Variants in MTHFD1L observed in about 807,000 individuals in gnomAD.
MTHFD1L encodes monofunctional C1-tetrahydrofolate synthase, mitochondrial.
A neutral mutation model predicts 119.5 loss-of-function variants in MTHFD1L; 81 were observed. The ratio of observed to expected loss-of-function variants is 0.68; its 90% CI spans 0.57 to 0.82. The LOEUF (loss-of-function observed/expected upper bound fraction) is 0.82. MTHFD1L is among the 40% of genes least tolerant of loss of function. The pLI is 0.00. For missense variants in MTHFD1L, 1,125 were observed against 1,253.4 expected, an observed-to-expected ratio of 0.90 and a Z score of 1.55; for synonymous variants, 430 against 475.2, an observed-to-expected ratio of 0.90 and a Z score of 1.24.
At position 150,896,420 on chromosome 6, in the gene MTHFD1L, C is replaced by A. The variant is rs559283270; in HGVS notation, c.780+8439C>A. Among the ~76,000 whole-genome samples the A allele has an allele frequency of 2.6e-5, 4 of 152,304 alleles. No homozygotes were observed. The East Asian group carries it at 7.7e-4, about 29-fold the overall frequency. On this transcript the variant is annotated intron_variant, in intron 7 of 27. Transcript: ENST00000367321. Reference sequence around the variant, plus strand: ...TTCGGAGAGGGCAGGGATGGACACACAAGACAGCCTCAGTTATGTGAGTTC... The same window carrying A: ...TTCGGAGAGGGCAGGGATGGACACAAAAGACAGCCTCAGTTATGTGAGTTC...
chr6:150,968,702 G>C (rs2129014389), intron 19 of MTHFD1L, among the ~76,000 whole-genome samples: 1 of 151,532 alleles, frequency 6.6e-6, no homozygotes, highest in African/African-American at 2.4e-5. Context: ...TTTAAGTAGA[G>C]ATGGGGTTTC....
chr6:150,910,227 G>C (rs1397125274), intron 8 of MTHFD1L, among the ~76,000 whole-genome samples: 1 of 151,558 alleles, frequency 6.6e-6, no homozygotes, highest in African/African-American at 2.4e-5. Context: ...GGACTTTGGA[G>C]TCAGGATTAA....
chr6:150,931,527 G>C (rs1046102166), intron 11 of MTHFD1L, among the ~76,000 whole-genome samples: 4 of 152,080 alleles, frequency 2.6e-5, no homozygotes, highest in Admixed American at 6.5e-5. Flanking sequence ...AGTGTAATGA[G>C]AAACATAACC....
intron 24 of MTHFD1L, among the ~76,000 whole-genome samples, chr6:151,029,664 C>T (rs894272603): frequency 1.7e-4 from 26 of 152,192 alleles, no homozygotes; most frequent in Admixed American, 1.5e-3. Flanking sequence ...GGCGTGGTGG[C>T]ACATGCCTGT....
intron 11 of MTHFD1L, among the ~76,000 whole-genome samples, chr6:150,927,156 T>C (rs1035359374): frequency 1.3e-5 from 2 of 152,186 alleles, no homozygotes; most frequent in Non-Finnish European, 2.9e-5. Flanking sequence ...TCTTTATTTC[T>C]TTTTCTGGTT....
chr6:150,994,064 TA>T (rs746589557), intron 20 of MTHFD1L, among the ~76,000 whole-genome samples: 2,598 of 71,272 alleles, frequency 0.036, 104 homozygotes, highest in East Asian at 0.16. Context: ...ACAACAACAG[TA>T]AAAAAAAAAA....
chr6:151,045,511 A>G (rs6920903), intron 26 of MTHFD1L, among the ~76,000 whole-genome samples: 103,675 of 152,124 alleles, frequency 0.68, 36,084 homozygotes, highest in Non-Finnish European at 0.74. Context: ...CGTCTCTCCA[A>G]TGCTCCTGGG....
chr6:151,042,563 A>C (rs1787293036), intron 26 of MTHFD1L, among the ~76,000 whole-genome samples: 1 of 152,242 alleles, frequency 6.6e-6, no homozygotes, highest in African/African-American at 2.4e-5. Context: ...AAATAATCTC[A>C]TGCCAAAAAT....
chr6:151,003,533 C>CAA (rs11422337), intron 20 of MTHFD1L, among the ~76,000 whole-genome samples: 19 of 150,146 alleles, frequency 1.3e-4, no homozygotes, highest in African/African-American at 3.9e-4. Flanking sequence ...ACTCCATATC[C>CAA]AAAAAAAAAG....
chr6:151,009,991 G>A, intron 21 of MTHFD1L, 33 bp downstream of exon 21: 1 of 1,542,774 alleles, frequency 6.5e-7, no homozygotes, highest in Non-Finnish European at 8.7e-7. Flanking sequence ...TAATACCAAA[G>A]AAATTTCATT....
chr6:150,989,380 A>G (rs745365648), intron 20 of MTHFD1L, among the ~76,000 whole-genome samples: 9 of 152,336 alleles, frequency 5.9e-5, no homozygotes, highest in South Asian at 2.1e-4. Flanking sequence ...AGCAGTGCCT[A>G]TACTCACCGT....
Position 150,926,106 on chromosome 6 carries a change from T to C in MTHFD1L, c.1083-16T>C. The stretch of plus-strand genomic sequence containing the variant: ...TGAGAAGCCTTTTCTCTCTTTCGTA[T>C]TGTCTTTCCCCTCAGTGACATTGAG... On this transcript the variant is annotated splice_polypyrimidine_tract_variant and intron_variant, in intron 10 of 27. Coordinates refer to ENST00000367321, the MANE Select transcript of MTHFD1L (RefSeq NM_015440.5). The surrounding 1 kb of genome is among the most constrained non-coding windows in gnomAD (Gnocchi z 4.3). 5 of 1,605,354 alleles carry C rather than the reference T, an allele frequency of 3.1e-6. No individual in the cohort carries two copies. The highest frequency in any genetic ancestry group is 3.4e-5 in the Admixed American group (2 of 59,352).
At position 150,999,211 on chromosome 6, in the gene MTHFD1L, A is replaced by G. The variant is rs530269855; in HGVS notation, c.2126-10608A>G. Among the ~76,000 whole-genome samples, 3 of 152,182 alleles carry G rather than the reference A, an allele frequency of 2.0e-5. No homozygotes were observed. The South Asian group carries it at 6.2e-4, about 32-fold the overall frequency. On this transcript the variant is annotated intron_variant, in intron 20 of 27. Coordinates refer to ENST00000367321, the MANE Select transcript of MTHFD1L (RefSeq NM_015440.5). ...TGCATTTTCCATGTTGCATTTTGCA[A>G]CCATTTTGCATAATTCTGTACTTCT...
intron 26 of MTHFD1L, among the ~76,000 whole-genome samples, chr6:151,088,623 A>ATTTTT (rs71014539): frequency 7.8e-5 from 10 of 128,634 alleles, no homozygotes; most frequent in Non-Finnish European, 1.3e-4. Flanking sequence ...CACCCAGCTA[A>ATTTTT]TTTTTTTTTT....
chr6:151,021,918 C>T (rs1783996349), intron 24 of MTHFD1L: 1 of 412,060 alleles, frequency 2.4e-6, no homozygotes, highest in African/African-American at 2.1e-5. Flanking sequence ...GGTTGAAAAT[C>T]ATCTCTGTAT....
At chr6:150,948,914 A>T in intron 15 of MTHFD1L, 117 bp from the exon 16 acceptor site, 1 of 850,970 alleles carries the variant, frequency 1.2e-6, no homozygotes, top group Non-Finnish European at 1.8e-6. Flanking sequence ...GTGCCAGTTT[A>T]GTTTTTTAAA....
chr6:150,949,220 T>G (rs1345322833), intron 16 of MTHFD1L, 87 bp downstream of exon 16: 1 of 1,053,744 alleles, frequency 9.5e-7, no homozygotes, highest in Non-Finnish European at 1.4e-6. Flanking sequence ...AACTTACAGT[T>G]TGATCCTGTC....
chr6:151,101,417 ATTT>A (rs1347436841), intron 27 of MTHFD1L, 106 bp from the exon 28 acceptor site: 1 of 152,086 alleles, frequency 6.6e-6, no homozygotes, highest in African/African-American at 2.4e-5. Flanking sequence ...CTGCTCTTGA[ATTT>A]TCTTTTGGCC....
chr6:151,034,712 T>C lies in MTHFD1L; in HGVS notation c.2694+112T>C, dbSNP rs114520076. 3.9e-3 allele frequency: 2,789 copies of C among 716,220 alleles called. 38 individuals are homozygous for C. In the African/African-American group the frequency reaches 0.04, roughly 10 times the overall value. The allele number at this position is 716,220 out of a possible 1,614,324, so 44.4% of individuals were successfully genotyped here. On this transcript the variant is annotated intron_variant, in intron 25 of 27. Coordinates refer to ENST00000367321, the MANE Select transcript of MTHFD1L (RefSeq NM_015440.5). Reference sequence around the variant, plus strand: ...CACCAGCTAACCTTTGCTTAATCTATTGTATGGTTAACAAAGATGAAGGTA... The same window carrying C: ...CACCAGCTAACCTTTGCTTAATCTACTGTATGGTTAACAAAGATGAAGGTA...
Sources: allele counts gnomAD v4.1 joint callset (sites outside exome capture counted in the v4.1 genomes callset), GRCh38; gene constraint gnomAD v4.1.1; non-coding constraint Gnocchi (gnomAD v3.1); transcripts MANE v1.5; gene names NCBI Gene and HGNC (gene_info 2026-07-23, HGNC 2026-07-21).